The following SMAD2 variants were observed in gnomAD, a reference collection of about 807,000 sequenced individuals.
The protein encoded by SMAD2 is MAD homolog 2.
In SMAD2, 8 loss-of-function variants were observed where a neutral mutation model predicts 64.4. The ratio of observed to expected loss-of-function variants is 0.12; its 90% CI spans 0.07 to 0.22. The LOEUF is 0.22. Among genes scored for constraint, SMAD2 ranks in the 10% least tolerant of loss-of-function variants. The probability of loss-of-function intolerance (pLI) is 1.00; values close to 1 mark genes in which losing one functional copy is unlikely to be tolerated. For synonymous variants in SMAD2, 203 were observed against 195.8 expected, an observed-to-expected ratio of 1.04 and a Z score of -0.31; for missense variants, 289 against 561.2, an observed-to-expected ratio of 0.51 and a Z score of 4.90.
At chr18:47,854,852 C>T (rs189119125) in intron 6 of SMAD2, among the ~76,000 whole-genome samples, 137 of 152,262 alleles carry the variant, frequency 9.0e-4, no homozygotes, top group African/African-American at 3.1e-3. Flanking sequence ...TGAACCTACA[C>T]TGATACATCA....
At chr18:47,888,196 G>T (rs1394487211) in intron 2 of SMAD2, among the ~76,000 whole-genome samples, 1 of 150,828 alleles carries the variant, frequency 6.6e-6, no homozygotes, top group South Asian at 2.1e-4. Flanking sequence ...GGGGAAAAAA[G>T]GGAAAAAAAA....
rs1913472664 is a variant in SMAD2, at chr18:47,836,985, A to C, written c.*4842T>G. 9.4e-6 allele frequency: 2 copies of C among 212,622 alleles called. No homozygotes were observed. The highest frequency in any genetic ancestry group is 2.3e-5 in the African/African-American group (1 of 44,246). The allele number at this position is 212,622 out of a possible 1,614,324, so 13.2% of individuals were successfully genotyped here. On this transcript the variant is annotated 3_prime_UTR_variant, in exon 11 of 11. Transcript: ENST00000262160. The stretch of plus-strand genomic sequence containing the variant: ...ACACTATCATTATTCTGACTGTCTT[A>C]AATACAACAATCCAATATGCCCCAA...
intron 2 of SMAD2, among the ~76,000 whole-genome samples, chr18:47,874,808 G>A (rs1180027678): frequency 6.6e-6 from 1 of 152,150 alleles, no homozygotes; most frequent in Non-Finnish European, 1.5e-5. Flanking sequence ...TCCAATGTAT[G>A]TGTATATGCA....
chr18:47,920,001 G>A (rs2034499626), intron 1 of SMAD2: 1 of 152,174 alleles, frequency 6.6e-6, no homozygotes, highest in Non-Finnish European at 1.5e-5. Context: ...GTGTGCTTTA[G>A]TCAGTTCAGG....
intron 6 of SMAD2, among the ~76,000 whole-genome samples, chr18:47,854,828 A>G (rs2030520899): frequency 6.6e-6 from 1 of 152,132 alleles, no homozygotes; most frequent in Non-Finnish European, 1.5e-5. Context: ...ACAATGGTCC[A>G]TTTGTTATAA....
At chr18:47,889,615 C>CA (rs1220681874) in intron 2 of SMAD2, among the ~76,000 whole-genome samples, 2 of 151,846 alleles carry the variant, frequency 1.3e-5, no homozygotes, top group Non-Finnish European at 2.9e-5. Context: ...ACTAAAAATA[C>CA]AAAAAATTAG....
intron 2 of SMAD2, among the ~76,000 whole-genome samples, chr18:47,877,846 T>C (rs1008623776): frequency 6.6e-6 from 1 of 152,070 alleles, no homozygotes; most frequent in Non-Finnish European, 1.5e-5. Context: ...ATAAAAGAAA[T>C]ATATTAAGAA....
intron 1 of SMAD2, among the ~76,000 whole-genome samples, chr18:47,911,108 T>G (rs947302797): frequency 4.6e-5 from 7 of 151,972 alleles, no homozygotes; most frequent in Non-Finnish European, 8.8e-5. Context: ...TCCCAGCACT[T>G]TGAGAGGCAG....
At position 47,922,914 on chromosome 18, in the gene SMAD2, A is replaced by C. The variant is rs2034619702; in HGVS notation, c.-54+7447T>G. ...TGGAGAATGATGGGTCATGTCTTTT[A>C]AACAAAAGCAAACAGAAAACATTCA... On this transcript the variant is annotated intron_variant, in intron 1 of 10. Coordinates refer to ENST00000262160, the MANE Select transcript of SMAD2 (RefSeq NM_005901.6). Among the ~76,000 whole-genome samples the C allele has an allele frequency of 2.0e-5, 3 of 152,242 alleles. 1 individual carries two copies. In the South Asian group the frequency reaches 6.2e-4, roughly 31 times the overall value.
At chr18:47,928,296 A>G (rs533613588) in intron 1 of SMAD2, among the ~76,000 whole-genome samples, 1 of 152,362 alleles carries the variant, frequency 6.6e-6, no homozygotes, top group South Asian at 2.1e-4. Flanking sequence ...GACTTTTAAA[A>G]CTGACAGTAT....
At chr18:47,915,899 C>T (rs760111193) in intron 1 of SMAD2, among the ~76,000 whole-genome samples, 3 of 152,058 alleles carry the variant, frequency 2.0e-5, no homozygotes, top group Non-Finnish European at 4.4e-5. Context: ...GGAATTATAC[C>T]GTATGTACTC....
At position 47,830,959 on chromosome 18, in the gene SMAD2, TAC is replaced by T. The variant is rs58420738; in HGVS notation, c.*10866_*10867del. ...AAAAAGTTAACTAAGTTTCACTTAA[TAC>T]ACACACACACACTAGGGTTTATATG... On this transcript the variant is annotated 3_prime_UTR_variant, in exon 11 of 11. Transcript: ENST00000262160. The T allele has an allele frequency of 0.018, 2,678 of 152,164 alleles. 69 individuals are homozygous for T. The highest frequency in any genetic ancestry group is 0.06 in the African/African-American group (2,493 of 41,404). 9.4% of individuals were successfully genotyped at this position (152,164 alleles called of 1,614,324 possible).
In SMAD2 at chr18:47,830,800, C is replaced by T. The variant is rs945189539; in HGVS notation, c.*11027G>A. 3 of 156,876 alleles carry T rather than the reference C, an allele frequency of 1.9e-5. No individual in the cohort carries two copies. The highest frequency in any genetic ancestry group is 1.3e-4 in the Admixed American group (2 of 15,380). 9.7% of individuals were successfully genotyped at this position (156,876 alleles called of 1,614,324 possible). On this transcript the variant is annotated 3_prime_UTR_variant, in exon 11 of 11. Coordinates refer to ENST00000262160, the MANE Select transcript of SMAD2 (RefSeq NM_005901.6). ...GAATTTCTTAAGTTCAAGATACGTACTCTCAATGGAGAATCGCTGTTGGGC... is the reference window on the plus strand; with the variant it reads ...GAATTTCTTAAGTTCAAGATACGTATTCTCAATGGAGAATCGCTGTTGGGC...
chr18:47,839,433 G>C lies in SMAD2; in HGVS notation c.*2394C>G, dbSNP rs1598737885. The C allele has an allele frequency of 2.1e-5, 5 of 233,324 alleles. No homozygotes were observed. In the East Asian group the frequency reaches 3.0e-4, roughly 14 times the overall value. 14.5% of individuals were successfully genotyped at this position (233,324 alleles called of 1,614,324 possible). A position where few individuals can be genotyped will look rare whatever the true frequency, so the allele number is the denominator to read the frequency against. ...CAGGCCTGATAGTGGTATTACCTAG[G>C]ACATTTACTCTGCTCACAAGATGGG... On this transcript the variant is annotated 3_prime_UTR_variant, in exon 11 of 11. Coordinates refer to ENST00000262160, the MANE Select transcript of SMAD2 (RefSeq NM_005901.6).
chr18:47,850,576 ATAT>A (rs1475063939), intron 7 of SMAD2, among the ~76,000 whole-genome samples: 1 of 42,726 alleles, frequency 2.3e-5, no homozygotes, highest in Non-Finnish European at 3.5e-5. Context: ...TATATATTAT[ATAT>A]TATATATATA....
intron 1 of SMAD2, among the ~76,000 whole-genome samples, chr18:47,908,174 C>A (rs2033980109): frequency 6.6e-6 from 1 of 152,174 alleles, no homozygotes; most frequent in African/African-American, 2.4e-5. Flanking sequence ...TTTCCGTCCA[C>A]AACATGCAGA....
chr18:47,874,387 G>C (rs1555652424), intron 2 of SMAD2, among the ~76,000 whole-genome samples: 1 of 152,102 alleles, frequency 6.6e-6, no homozygotes, highest in Non-Finnish European at 1.5e-5. Flanking sequence ...AAAAACAACA[G>C]TAATTGTTTC....
rs1386619762 is a variant in SMAD2, at chr18:47,829,039, G to A, written c.*12788C>T. The A allele has an allele frequency of 6.7e-6, 1 of 149,112 alleles. No homozygotes were observed. Among genetic ancestry groups the A allele is most frequent in the Non-Finnish European group, 1.5e-5 (1 of 67,534 alleles). The allele number at this position is 149,112 out of a possible 1,614,324, so 9.2% of individuals were successfully genotyped here. On this transcript the variant is annotated 3_prime_UTR_variant, in exon 11 of 11. Transcript: ENST00000262160. Reference sequence around the variant, plus strand: ...AGTATCACAATTTTGGTAATACTAGGCAAGATGTAACCTCAAGTCTCCAGG... The same window carrying A: ...AGTATCACAATTTTGGTAATACTAGACAAGATGTAACCTCAAGTCTCCAGG...
intron 2 of SMAD2, among the ~76,000 whole-genome samples, chr18:47,875,643 A>G (rs1175539645): frequency 2.0e-5 from 3 of 152,164 alleles, no homozygotes; most frequent in Non-Finnish European, 4.4e-5. Context: ...CACTAATCTA[A>G]GATTATCTAC....
Sources: gnomAD v4.1 joint callset for allele counts (sites outside exome capture counted in the v4.1 genomes callset) on GRCh38, gnomAD v4.1.1 for gene constraint, MANE v1.5 for transcripts, NCBI Gene and HGNC (gene_info 2026-07-23, HGNC 2026-07-21) for gene names.